The following KLRG1 variants were observed in gnomAD, a reference collection of about 807,000 sequenced individuals.
The protein encoded by KLRG1 is killer cell lectin like receptor G1.
A neutral mutation model predicts 21.8 loss-of-function variants in KLRG1; 16 were observed. That is an observed-to-expected ratio of 0.73 (90% CI 0.50 to 1.11). KLRG1 has a LOEUF of 1.11. KLRG1 is among the 50% of genes most tolerant of loss of function. The pLI is 0.00. For synonymous variants in KLRG1, 69 were observed against 75.9 expected, an observed-to-expected ratio of 0.91 and a Z score of 0.47; for missense variants, 173 against 218.3, an observed-to-expected ratio of 0.79 and a Z score of 1.31.
the KLRG1 span, chr12:9,152,967 GAC>G: frequency 1.2e-6 from 2 of 1,613,980 alleles, no homozygotes; most frequent in Non-Finnish European, 8.5e-7. Context: ...AAACAGCAAA[GAC>G]ACTATCAGTT....
chr12:9,075,460 G>T, the KLRG1 span, among the ~76,000 whole-genome samples: 1 of 152,106 alleles, frequency 6.6e-6, no homozygotes, highest in Non-Finnish European at 1.5e-5. Flanking sequence ...AAAAATCCAT[G>T]AGGAGAAACT....
the KLRG1 span, chr12:9,067,565 A>C: frequency 1.8e-6 from 1 of 543,478 alleles, no homozygotes; most frequent in Admixed American, 2.7e-5. Flanking sequence ...CATGAAGCCT[A>C]CTCAGACCGA....
chr12:9,059,429 A>T, the KLRG1 span, among the ~76,000 whole-genome samples: 2 of 152,228 alleles, frequency 1.3e-5, no homozygotes, highest in Admixed American at 6.5e-5. Flanking sequence ...TGACATTATT[A>T]GGATACCATT....
chr12:9,080,030 G>A, the KLRG1 span: 3 of 1,090,288 alleles, frequency 2.8e-6, no homozygotes, highest in African/African-American at 3.2e-5. Context: ...AAATATTTAT[G>A]GGAAATAAAA....
the KLRG1 span, chr12:9,169,713 C>T: frequency 1.1e-6 from 1 of 893,410 alleles, no homozygotes; most frequent in Non-Finnish European, 1.6e-6. Context: ...GTAGTTGGTA[C>T]CTTAGAGATA....
At chr12:9,157,727 C>T in the KLRG1 span, 14 of 1,569,238 alleles carry the variant, frequency 8.9e-6, no homozygotes, top group Non-Finnish European at 1.2e-5. Context: ...AGCAAATCTA[C>T]AGTTTTCATG....
the KLRG1 span, chr12:9,115,169 A>G: frequency 1.5e-3 from 224 of 152,644 alleles, no homozygotes; most frequent in Admixed American, 2.4e-3. Context: ...CTAGTACTCT[A>G]TTATCAAGAA....
the KLRG1 span, chr12:9,027,644 T>A: frequency 5.5e-6 from 5 of 905,558 alleles, no homozygotes; most frequent in Non-Finnish European, 9.1e-6. Context: ...AGCTTCTGAC[T>A]CCAAAGATTC....
upstream of KLRG1, chr12:8,989,542 G>C: frequency 1.3e-6 from 1 of 768,076 alleles, no homozygotes; most frequent in East Asian, 2.7e-5. Context: ...CCTGCTAGCA[G>C]TTTAGAGATT....
At chr12:9,162,093 C>T in the KLRG1 span, among the ~76,000 whole-genome samples, 17 of 152,154 alleles carry the variant, frequency 1.1e-4, no homozygotes, top group Admixed American at 8.5e-4. Context: ...CCCCATGTAG[C>T]TGGGACTACA....
chr12:9,031,758 T>C, the KLRG1 span, among the ~76,000 whole-genome samples: 1 of 152,162 alleles, frequency 6.6e-6, no homozygotes, highest in Non-Finnish European at 1.5e-5. Flanking sequence ...TTGGTTTCGC[T>C]CAGAAAGGTG....
chr12:9,053,612 A>C, the KLRG1 span, among the ~76,000 whole-genome samples: 1 of 152,078 alleles, frequency 6.6e-6, no homozygotes, highest in African/African-American at 2.4e-5. Context: ...GGAAGAAGGG[A>C]GGGGGAGAAA....
At chr12:9,082,035 T>C in the KLRG1 span, among the ~76,000 whole-genome samples, 3 of 152,330 alleles carry the variant, frequency 2.0e-5, no homozygotes, top group Admixed American at 6.5e-5. Flanking sequence ...TCAGAGGTTA[T>C]GCCAGTGACC....
At chr12:9,100,416 C>A in the KLRG1 span, among the ~76,000 whole-genome samples, 1 of 151,840 alleles carries the variant, frequency 6.6e-6, no homozygotes, top group African/African-American at 2.4e-5. Context: ...TTTTATTTTT[C>A]CCCCTTTGTT....
the KLRG1 span, among the ~76,000 whole-genome samples, chr12:9,213,340 A>G: frequency 1.3e-5 from 2 of 152,160 alleles, no homozygotes; most frequent in East Asian, 1.9e-4. Context: ...GGGAATATAT[A>G]CAGGAGTGAA....
the KLRG1 span, among the ~76,000 whole-genome samples, chr12:9,180,097 CT>C: frequency 1.3e-5 from 2 of 152,096 alleles, no homozygotes; most frequent in Non-Finnish European, 2.9e-5. Flanking sequence ...CGTATTTTTA[CT>C]GTTATATTTT....
At chr12:9,201,303 T>C in the KLRG1 span, 1 of 1,515,098 alleles carries the variant, frequency 6.6e-7, no homozygotes, top group Non-Finnish European at 9.1e-7. Flanking sequence ...AATTTCCTTA[T>C]AAGATACTTT....
the KLRG1 span, among the ~76,000 whole-genome samples, chr12:9,184,968 C>T: frequency 6.6e-6 from 1 of 152,206 alleles, no homozygotes; most frequent in African/African-American, 2.4e-5. Flanking sequence ...CATCAGCCCG[C>T]AAAGATGAGA....
chr12:9,031,120 C>G, the KLRG1 span, among the ~76,000 whole-genome samples: 23 of 152,166 alleles, frequency 1.5e-4, no homozygotes, highest in African/African-American at 5.3e-4. Flanking sequence ...GGTGAGGGCT[C>G]AACCCCTCAG....
Sources: allele counts gnomAD v4.1 joint callset (sites outside exome capture counted in the v4.1 genomes callset), GRCh38; gene constraint gnomAD v4.1.1; transcripts MANE v1.5; gene names NCBI Gene and HGNC (gene_info 2026-07-23, HGNC 2026-07-21).